Variants in GOLGA4 observed in about 807,000 individuals in gnomAD.
GOLGA4 encodes the protein golgin subfamily A member 4.
Under a neutral mutation model 265.9 loss-of-function variants are expected in GOLGA4, and 169 were observed. The ratio of observed to expected loss-of-function variants is 0.64; its 90% confidence interval spans 0.56 to 0.72. The LOEUF is 0.72. Ranked by LOEUF, GOLGA4 falls within the 30% of genes least tolerant of loss-of-function variation. GOLGA4 has a pLI of 0.00. For missense variants in GOLGA4, 2,482 were observed against 2,483.4 expected, an observed-to-expected ratio of 1.00 and a Z score of 0.01; for synonymous variants, 923 against 855.8, an observed-to-expected ratio of 1.08 and a Z score of -1.37.
At chr3:37,327,879 T>C in intron 14 of GOLGA4, 54 bp downstream of exon 14, 1 of 1,412,280 alleles carries the variant, frequency 7.1e-7, no homozygotes, top group Non-Finnish European at 9.7e-7. Flanking sequence ...TAATTAAGTC[T>C]CCTTTTTTTG....
At chr3:37,308,866 G>A (rs940301387) in intron 10 of GOLGA4, among the ~76,000 whole-genome samples, 2 of 151,816 alleles carry the variant, frequency 1.3e-5, no homozygotes, top group African/African-American at 4.8e-5. Context: ...TGCCCGCCTC[G>A]GCCTCCCAAA....
chr3:37,359,488 A>G (rs540902293), intron 22 of GOLGA4, among the ~76,000 whole-genome samples: 1 of 152,272 alleles, frequency 6.6e-6, no homozygotes, highest in South Asian at 2.1e-4. Flanking sequence ...ACATAAATGG[A>G]CATCACTGTT....
intron 7 of GOLGA4, among the ~76,000 whole-genome samples, chr3:37,297,439 G>A (rs2096881512): frequency 6.6e-6 from 1 of 152,190 alleles, no homozygotes; most frequent in Admixed American, 6.5e-5. Flanking sequence ...AATGTGGTTG[G>A]AAAGAATACC....
At chr3:37,282,814 G>A (rs1462659199) in intron 3 of GOLGA4, among the ~76,000 whole-genome samples, 1 of 152,142 alleles carries the variant, frequency 6.6e-6, no homozygotes, top group Non-Finnish European at 1.5e-5. Context: ...TCCCTGTTTG[G>A]TCTAAGGGAG....
Position 37,324,413 on chromosome 3 carries a change from G to A in GOLGA4, c.2527G>A (p.Ala843Thr). 6.2e-7 allele frequency: 1 copy of A among 1,614,194 alleles called. No individual in the cohort carries two copies. Among genetic ancestry groups the A allele is most frequent in the East Asian group, 2.2e-5 (1 of 44,882 alleles). The change falls in exon 14 of 24, where the codon GCT becomes ACT. Residue 843 changes from alanine to threonine, a missense_variant. Ala to Thr is a moderately conservative substitution (Grantham distance 58). Around this residue, in one of 3 missense-constraint regions of GOLGA4, gnomAD observed 1,536 missense variants for 1,483.7 expected, o/e 1.04. Coordinates refer to ENST00000361924, the MANE Select transcript of GOLGA4 (RefSeq NM_002078.5). Reference sequence around the variant, plus strand: ...AAGAATTCTTCTTACCAAACAGGTTGCTGAAGTTGAAGCACAAAAGAAAGA... The same window carrying A: ...AAGAATTCTTCTTACCAAACAGGTTACTGAAGTTGAAGCACAAAAGAAAGA... ...TERILLTKQV[A>T]EVEAQKKDVC...
chr3:37,299,417 A>G (rs773748825), intron 9 of GOLGA4, 46 bp downstream of exon 9: 4 of 1,152,950 alleles, frequency 3.5e-6, no homozygotes, highest in Non-Finnish European at 5.1e-6. Flanking sequence ...AAGAGGCCCC[A>G]ACATTTACTT....
chr3:37,294,268 G>A (rs1208019363), intron 5 of GOLGA4, among the ~76,000 whole-genome samples: 1 of 152,198 alleles, frequency 6.6e-6, no homozygotes, highest in East Asian at 1.9e-4. Context: ...CATATGTTGG[G>A]AGGAGGAAGA....
rs558983734 is a variant in GOLGA4 at position 37,275,205 on chromosome 3, G to A, written c.163-6753G>A. Among the ~76,000 whole-genome samples, 141 of 103,946 alleles carry A rather than the reference G, an allele frequency of 1.4e-3. 5 individuals are homozygous for A. In the East Asian group the frequency reaches 0.032, roughly 23 times the overall value. 68.2% of individuals were successfully genotyped at this position (103,946 alleles called of 152,430 possible). On this transcript the variant is annotated intron_variant, in intron 2 of 23. Transcript: ENST00000361924. The stretch of plus-strand genomic sequence containing the variant: ...CACTCCAGCCTGGGCGACAGAGCGA[G>A]ACTCCGTCTCAAAAAAAAAAAAAAA...
chr3:37,259,525 T>C lies in GOLGA4; in HGVS notation c.162+8041T>C, dbSNP rs115539749. Among the ~76,000 whole-genome samples the C allele has an allele frequency of 6.5e-3, 996 of 152,366 alleles. 14 individuals are homozygous for C. Among genetic ancestry groups the C allele is most frequent in the African/African-American group, 0.022 (930 of 41,582 alleles). On this transcript the variant is annotated intron_variant, in intron 2 of 23. Transcript: ENST00000361924. ...TGCACACTCGGGTAATTTCTTCTTTTTCATTCCTGATTTTCATGATATGAG... is the reference window on the plus strand; with the variant it reads ...TGCACACTCGGGTAATTTCTTCTTTCTCATTCCTGATTTTCATGATATGAG...
intron 20 of GOLGA4, among the ~76,000 whole-genome samples, chr3:37,346,414 C>T (rs1039659196): frequency 1.3e-5 from 2 of 152,132 alleles, no homozygotes; most frequent in Non-Finnish European, 2.9e-5. Context: ...ATAGAAATGA[C>T]ATCATACTGT....
chr3:37,300,138 G>A (rs2096888944), intron 9 of GOLGA4, among the ~76,000 whole-genome samples: 1 of 151,550 alleles, frequency 6.6e-6, no homozygotes, highest in African/African-American at 2.4e-5. Flanking sequence ...ATGTGTAGAT[G>A]AGATTAGAGG....
intron 22 of GOLGA4, 128 bp from the exon 23 acceptor site, chr3:37,361,115 T>G: frequency 1.4e-6 from 1 of 706,820 alleles, no homozygotes; most frequent in South Asian, 1.7e-5. Context: ...CACCCTTGAT[T>G]TGGGGAGATT....
intron 3 of GOLGA4, among the ~76,000 whole-genome samples, chr3:37,284,703 A>G (rs1040176935): frequency 7.2e-6 from 1 of 139,622 alleles, no homozygotes; most frequent in African/African-American, 2.8e-5. Context: ...TTACTCCCTC[A>G]CCCAGGCTGG....
intron 2 of GOLGA4, among the ~76,000 whole-genome samples, chr3:37,279,482 C>T (rs909687530): frequency 6.6e-6 from 1 of 152,240 alleles, no homozygotes; most frequent in Non-Finnish European, 1.5e-5. Context: ...GGCACATGTG[C>T]AGGCCAGATG....
chr3:37,251,647 A>T (rs1434463344), intron 2 of GOLGA4, among the ~76,000 whole-genome samples, 163 bp downstream of exon 2: 1 of 148,630 alleles, frequency 6.7e-6, no homozygotes, highest in Non-Finnish European at 1.5e-5. Flanking sequence ...TTTTTCACAA[A>T]TAGCAGTTAT....
At chr3:37,270,202 CTT>C (rs144373648) in intron 2 of GOLGA4, among the ~76,000 whole-genome samples, 1,000 of 99,808 alleles carry the variant, frequency 0.01, 7 homozygotes, top group African/African-American at 0.04. Context: ...CCAGTTGTAG[CTT>C]TTTTTTTTTT....
intron 2 of GOLGA4, among the ~76,000 whole-genome samples, chr3:37,272,139 C>T (rs896002598): frequency 5.3e-5 from 8 of 152,120 alleles, no homozygotes; most frequent in African/African-American, 1.9e-4. Context: ...ATTAAGTGCA[C>T]AATAAATGTA....
At chr3:37,272,970 C>CAACAG (rs2096802853) in intron 2 of GOLGA4, among the ~76,000 whole-genome samples, 1 of 151,924 alleles carries the variant, frequency 6.6e-6, no homozygotes, top group Non-Finnish European at 1.5e-5. Flanking sequence ...TTTGGCATAC[C>CAACAG]AACAGAACAG....
chr3:37,342,038 T>G (rs890639059), intron 20 of GOLGA4, among the ~76,000 whole-genome samples: 2 of 152,140 alleles, frequency 1.3e-5, no homozygotes, highest in Non-Finnish European at 2.9e-5. Flanking sequence ...TTCGTCATGC[T>G]GCCTCTTTAA....
Sources: allele counts gnomAD v4.1 joint callset (sites outside exome capture counted in the v4.1 genomes callset), GRCh38; gene constraint gnomAD v4.1.1; regional missense constraint gnomAD v4.1.1; transcripts MANE v1.5; gene names NCBI Gene and HGNC (gene_info 2026-07-23, HGNC 2026-07-21).